CFAP161: variants seen among roughly 807,000 people sequenced by gnomAD.
CFAP161 encodes the protein cilia- and flagella-associated protein 161.
Under a neutral mutation model 29.0 loss-of-function variants are expected in CFAP161, and 25 were observed. The ratio of observed to expected loss-of-function variants is 0.86; its 90% CI spans 0.63 to 1.20. CFAP161 has a LOEUF of 1.20. CFAP161 is among the 50% of genes most tolerant of loss of function. The pLI is 0.00. For missense variants in CFAP161, 367 were observed against 371.9 expected (o/e 0.99, Z 0.11); for synonymous variants, 116 against 137.4 (o/e 0.84, Z 1.09).
intron 6 of CFAP161, among the ~76,000 whole-genome samples, 184 bp downstream of exon 6, chr15:81,148,115 TC>T (rs928636670): frequency 2.6e-4 from 39 of 152,292 alleles, no homozygotes; most frequent in African/African-American, 9.4e-4. Flanking sequence ...TTTATACAAA[TC>T]CTACCCCTAC....
At chr15:81,134,489 C>G (rs756212430) in intron 1 of CFAP161, 91 bp downstream of exon 1, 7 of 1,254,068 alleles carry the variant, frequency 5.6e-6, no homozygotes, top group Non-Finnish European at 7.9e-6. Flanking sequence ...CGCCTCAAGC[C>G]TCCTCTCTCT....
At chr15:81,126,194 G>A (rs1894639559) in intron 1 of CFAP161, among the ~76,000 whole-genome samples, 2 of 152,168 alleles carry the variant, frequency 1.3e-5, no homozygotes, top group Non-Finnish European at 2.9e-5. Flanking sequence ...AAAAGAAAGT[G>A]AGATCCAAAT....
chr15:81,102,710 G>A (rs929094463), intron 1 of CFAP161, among the ~76,000 whole-genome samples: 2 of 152,154 alleles, frequency 1.3e-5, no homozygotes, highest in African/African-American at 2.4e-5. Flanking sequence ...ATAGATATGT[G>A]TATTTCTTCT....
At chr15:81,108,914 A>T (rs2141862132) in intron 1 of CFAP161, among the ~76,000 whole-genome samples, 1 of 152,294 alleles carries the variant, frequency 6.6e-6, no homozygotes, top group East Asian at 1.9e-4. Context: ...GGTTTCCTTT[A>T]AAAGTTTTTC....
intron 1 of CFAP161, among the ~76,000 whole-genome samples, chr15:81,125,220 A>G (rs1027380081): frequency 1.3e-5 from 2 of 152,198 alleles, no homozygotes; most frequent in African/African-American, 4.8e-5. Flanking sequence ...AAAAGTAGAC[A>G]AAGCCCATCA....
In CFAP161 at chr15:81,102,458, A is replaced by C. The variant is rs1198421687; in HGVS notation, c.-141-25132A>C. 4.6e-5 allele frequency among the ~76,000 whole-genome samples: 7 copies of C among 152,186 alleles called. 1 individual carries two copies. ...CAAGGCCGGGAGATTGCTTGAGCCC[A>C]GGAGTTCAAGACCAGACTGGGCAAC... On this transcript the variant is annotated intron_variant, in intron 1 of 4. Transcript: ENST00000560091.
At chr15:81,135,623 T>G (rs1442225767) in intron 2 of CFAP161, among the ~76,000 whole-genome samples, 1 of 151,378 alleles carries the variant, frequency 6.6e-6, no homozygotes, top group Admixed American at 6.6e-5. Context: ...GGTGTTTGGT[T>G]TTCTGTCCCT....
At chr15:81,105,127 TTCTCCCCCCTCCCCTC>T (rs1894349092) in intron 1 of CFAP161, among the ~76,000 whole-genome samples, 1 of 27,218 alleles carries the variant, frequency 3.7e-5, no homozygotes, top group Non-Finnish European at 6.7e-5. Context: ...CCCCATACCT[TTCTCCCCCCTCCCCTC>T]CCTCCCTCCC....
In CFAP161 at chr15:81,126,276, G is replaced by C. The variant is rs533800816; in HGVS notation, c.-141-1314G>C. On this transcript the variant is annotated intron_variant, in intron 1 of 4. Coordinates refer to the CFAP161 transcript ENST00000560091. ...TTGCCCTGATAGGTAATTGAATGAAGGCTGAAGATCAAAATTTTGGGTAAA... is the reference window on the plus strand; with the variant it reads ...TTGCCCTGATAGGTAATTGAATGAACGCTGAAGATCAAAATTTTGGGTAAA... Among the ~76,000 whole-genome samples the C allele has an allele frequency of 1.2e-4, 19 of 152,308 alleles. No homozygotes were observed. In the East Asian group the frequency reaches 3.7e-3, roughly 29 times the overall value.
At position 81,143,725 on chromosome 15, in the gene CFAP161, G is replaced by A. The variant is rs1894955232; in HGVS notation, c.541G>A (p.Val181Met). Residue 181 changes from valine (V) to methionine (M), a missense_variant, in exon 5 of 7, where the codon GTG (valine) becomes ATG (methionine). Val to Met is a conservative substitution (Grantham distance 21, BLOSUM62 1). Coordinates refer to ENST00000286732, the MANE Select transcript of CFAP161 (RefSeq NM_173528.4). The part of the protein sequence containing the change: ...KSSKRSWLQE[V>M]YLTDEVSHVN... ...GTCTAAGAGGTCTTGGCTCCAGGAA[G>A]TGTACCTAACAGATGAGGTCTCCCA... The A allele has an allele frequency of 6.2e-7, 1 of 1,614,030 alleles. No individual in the cohort carries two copies. The highest frequency in any genetic ancestry group is 8.5e-7 in the Non-Finnish European group (1 of 1,180,024).
chr15:81,106,834 G>A (rs1246211455), intron 1 of CFAP161, among the ~76,000 whole-genome samples: 1 of 152,192 alleles, frequency 6.6e-6, no homozygotes, highest in Non-Finnish European at 1.5e-5. Context: ...GGGAGGCCGA[G>A]GCGGGTGGAT....
intron 1 of CFAP161, among the ~76,000 whole-genome samples, chr15:81,116,763 T>C (rs1319272081): frequency 6.6e-6 from 1 of 152,208 alleles, no homozygotes; most frequent in Non-Finnish European, 1.5e-5. Context: ...AAAATTTGTC[T>C]AGTTTCAGCT....
At chr15:81,107,729 T>TAAATA (rs558554006) in intron 1 of CFAP161, among the ~76,000 whole-genome samples, 7 of 152,080 alleles carry the variant, frequency 4.6e-5, no homozygotes, top group South Asian at 4.2e-4. Context: ...CAGTCTCAAA[T>TAAATA]AAATAAAATA....
chr15:81,116,451 G>A (rs1004188403), intron 1 of CFAP161, among the ~76,000 whole-genome samples: 2 of 152,212 alleles, frequency 1.3e-5, no homozygotes, highest in Non-Finnish European at 1.5e-5. Flanking sequence ...ACGCCATAAC[G>A]CCCAGCTAAT....
At chr15:81,119,439 C>A (rs1453511457) in intron 1 of CFAP161, among the ~76,000 whole-genome samples, 1 of 151,982 alleles carries the variant, frequency 6.6e-6, no homozygotes, top group African/African-American at 2.4e-5. Context: ...CTTTAGAAAA[C>A]ATTCAACATA....
At chr15:81,118,841 G>T (rs1894534855) in intron 1 of CFAP161, among the ~76,000 whole-genome samples, 1 of 151,162 alleles carries the variant, frequency 6.6e-6, no homozygotes, top group African/African-American at 2.4e-5. Flanking sequence ...CAGGTAGGGA[G>T]AAGAAGCAAT....
chr15:81,100,738 A>C (rs1894294942), intron 1 of CFAP161, among the ~76,000 whole-genome samples: 1 of 145,610 alleles, frequency 6.9e-6, no homozygotes, highest in African/African-American at 2.6e-5. Context: ...CAGGCTCGCC[A>C]TGTTGGCCAG....
intron 1 of CFAP161, among the ~76,000 whole-genome samples, chr15:81,123,904 G>T (rs1408343798): frequency 6.6e-6 from 1 of 152,216 alleles, no homozygotes. Context: ...CTGAGACTTT[G>T]CTGAAGTTGA....
At chr15:81,132,212 G>T (rs1162944757), upstream of CFAP161, among the ~76,000 whole-genome samples, 2 of 152,196 alleles carry the variant, frequency 1.3e-5, no homozygotes, top group Non-Finnish European at 2.9e-5. Context: ...GGGAAGCAGA[G>T]GTTGCAGTGA....
Sources: gnomAD v4.1 joint callset for allele counts (sites outside exome capture counted in the v4.1 genomes callset) on GRCh38, gnomAD v4.1.1 for gene constraint, MANE v1.5 for transcripts, NCBI Gene and HGNC (gene_info 2026-07-23, HGNC 2026-07-21) for gene names.